The following GNG7 variants were observed in gnomAD, a reference collection of about 807,000 sequenced individuals.
GNG7 encodes the protein G protein subunit gamma 7, also known as guanine nucleotide-binding protein G(I)/G(S)/G(O) subunit gamma-7.
A neutral mutation model predicts 4.0 loss-of-function variants in GNG7; 1 was observed. The ratio of observed to expected loss-of-function variants is 0.25; its 90% CI spans 0.09 to 1.18. The LOEUF is 1.18. GNG7 is among the 50% of genes most tolerant of loss of function. GNG7 has a pLI of 0.50. For synonymous variants in GNG7, 34 were observed against 36.9 expected, an observed-to-expected ratio of 0.92 and a Z score of 0.29; for missense variants, 86 against 91.9, an observed-to-expected ratio of 0.94 and a Z score of 0.26.
chr19:2,678,299 T>C (rs577220592), intron 1 of GNG7, among the ~76,000 whole-genome samples: 1 of 152,108 alleles, frequency 6.6e-6, no homozygotes, highest in Admixed American at 6.5e-5. Context: ...AAGTGAAAGG[T>C]GACTTGTAGA....
chr19:2,588,427 G>C (rs907445630), intron 2 of GNG7, among the ~76,000 whole-genome samples: 1 of 152,214 alleles, frequency 6.6e-6, no homozygotes, highest in Non-Finnish European at 1.5e-5. Flanking sequence ...CTTAACGCAC[G>C]TCATGAGGTT....
At chr19:2,688,896 T>A (rs919218583) in intron 1 of GNG7, among the ~76,000 whole-genome samples, 4 of 151,776 alleles carry the variant, frequency 2.6e-5, no homozygotes, top group African/African-American at 9.7e-5. Context: ...CGAGACCTCA[T>A]CTCTACAATA....
intron 1 of GNG7, among the ~76,000 whole-genome samples, chr19:2,698,456 C>T (rs947106417): frequency 2.0e-5 from 3 of 151,550 alleles, no homozygotes; most frequent in East Asian, 1.9e-4. Context: ...CCCAGCTACT[C>T]GAGAGGATGA....
At chr19:2,574,485 G>A (rs573846088) in intron 2 of GNG7, among the ~76,000 whole-genome samples, 6 of 152,190 alleles carry the variant, frequency 3.9e-5, no homozygotes, top group South Asian at 2.1e-4. Context: ...CACAGGATAC[G>A]TCCTTTTGTG....
Position 2,661,302 on chromosome 19 carries a change from G to GAAAGAAAGAAAGAAAAAGAA in GNG7, c.-134-15023_-134-15022insTTCTTTTTCTTTCTTTCTTT. Among the ~76,000 whole-genome samples, 643 of 73,120 alleles carry GAAAGAAAGAAAGAAAAAGAA rather than the reference G, an allele frequency of 8.8e-3. 38 individuals are homozygous for GAAAGAAAGAAAGAAAAAGAA. The highest frequency in any genetic ancestry group is 0.012 in the Non-Finnish European group (444 of 37,320). 48.0% of individuals were successfully genotyped at this position (73,120 alleles called of 152,430 possible). Reference sequence around the variant, plus strand: ...AGAAAGAAAGAAAGAAAGAAAGAAAGAGAAAGAAAGAAAGAAAGAAAGAAA... The same window carrying GAAAGAAAGAAAGAAAAAGAA: ...AGAAAGAAAGAAAGAAAGAAAGAAAGAAAGAAAGAAAGAAAAAGAAAGAAAGAAAGAAAGAAAGAAAGAAA... On this transcript the variant is annotated intron_variant, in intron 1 of 4. Transcript: ENST00000382159.
At chr19:2,569,277 C>T (rs78826722) in intron 2 of GNG7, among the ~76,000 whole-genome samples, 7 of 133,174 alleles carry the variant, frequency 5.3e-5, no homozygotes, top group Admixed American at 3.1e-4. Context: ...CTCTCTCTCT[C>T]TCTTTCTTTT....
Position 2,514,909 on chromosome 19 carries a change from T to G in GNG7, c.*113A>C. The G allele has an allele frequency of 1.1e-4, 94 of 835,364 alleles. No homozygotes were observed. The highest frequency in any genetic ancestry group is 3.5e-4 in the Middle Eastern group (1 of 2,826). 51.7% of individuals were successfully genotyped at this position (835,364 alleles called of 1,614,324 possible). ...TTTGGAATTAAAGGTTTTGGGGACT[T>G]GAGATGTTTTGTTTGAGCTAATTAC... On this transcript the variant is annotated 3_prime_UTR_variant, in exon 5 of 5. Transcript: ENST00000382159.
chr19:2,686,140 T>C (rs1983864167), intron 1 of GNG7, among the ~76,000 whole-genome samples: 1 of 151,014 alleles, frequency 6.6e-6, no homozygotes, highest in African/African-American at 2.4e-5. Context: ...TTCCCAGCCG[T>C]GTGTGGTCTC....
At chr19:2,538,095 C>CAA (rs763322180) in intron 3 of GNG7, 2 of 454,658 alleles carry the variant, frequency 4.4e-6, no homozygotes, top group Non-Finnish European at 8.8e-6. Flanking sequence ...CAAAACAAAA[C>CAA]AAAACAAAAC....
At chr19:2,581,503 C>T (rs1415064342) in intron 2 of GNG7, among the ~76,000 whole-genome samples, 4 of 152,038 alleles carry the variant, frequency 2.6e-5, no homozygotes, top group African/African-American at 9.7e-5. Flanking sequence ...CCTCCCTGGT[C>T]CCTGGTGTTG....
rs182674760 is a variant in GNG7, at chr19:2,612,047, G to T, written c.-78+34177C>A. Among the ~76,000 whole-genome samples the T allele has an allele frequency of 1.5e-4, 23 of 152,006 alleles. No homozygotes were observed. In the East Asian group the frequency reaches 2.9e-3, roughly 19 times the overall value. ...CCGCCACCACGCCCAGCTAATTTTA[G>T]TATTTTTAGTAGAGACCGGGTTTCA... On this transcript the variant is annotated intron_variant, in intron 2 of 4. Coordinates refer to ENST00000382159, the MANE Select transcript of GNG7 (RefSeq NM_052847.3).
chr19:2,547,076 C>A (rs1000864161), intron 3 of GNG7, among the ~76,000 whole-genome samples: 14 of 144,806 alleles, frequency 9.7e-5, no homozygotes, highest in Admixed American at 4.1e-4. Context: ...CCACGCATGC[C>A]CCCCCCCCAG....
chr19:2,526,401 G>T (rs747283609), intron 3 of GNG7, among the ~76,000 whole-genome samples: 218 of 150,426 alleles, frequency 1.4e-3, no homozygotes, highest in Non-Finnish European at 2.7e-3. Flanking sequence ...CACCGCGCCT[G>T]GTCTACTATT....
chr19:2,657,351 AAAAAAAAAAAATAT>A (rs1428935985), intron 1 of GNG7, among the ~76,000 whole-genome samples: 28 of 21,872 alleles, frequency 1.3e-3, no homozygotes, highest in Non-Finnish European at 2.6e-3. Flanking sequence ...AAAAAAAAAA[AAAAAAAAAAAATAT>A]ATATATATAT....
At chr19:2,548,467 C>T (rs1396211081) in intron 3 of GNG7, among the ~76,000 whole-genome samples, 31 of 111,108 alleles carry the variant, frequency 2.8e-4, no homozygotes, top group Admixed American at 3.6e-4. Context: ...GGCGACAGAG[C>T]GAGGCTCTGT....
chr19:2,683,494 G>C (rs932059773), intron 1 of GNG7: 2 of 152,172 alleles, frequency 1.3e-5, no homozygotes, highest in Non-Finnish European at 2.9e-5. Context: ...TCTTGAGGTA[G>C]GAGCCTCTTC....
chr19:2,578,726 G>A (rs947436654), intron 2 of GNG7, among the ~76,000 whole-genome samples: 1 of 152,198 alleles, frequency 6.6e-6, no homozygotes, highest in South Asian at 2.1e-4. Flanking sequence ...GCTGAGCAGC[G>A]TCTCTGGTCT....
chr19:2,568,662 C>G (rs201040735), intron 2 of GNG7, among the ~76,000 whole-genome samples: 1 of 150,762 alleles, frequency 6.6e-6, no homozygotes, highest in African/African-American at 2.4e-5. Flanking sequence ...CACATATACA[C>G]ATACACATAC....
chr19:2,512,781 A>T lies in GNG7; in HGVS notation c.*2241T>A. On this transcript the variant is annotated 3_prime_UTR_variant, in exon 5 of 5. Transcript: ENST00000382159. This position sits in a 1 kb window ranked among gnomAD's most constrained non-coding sequence, Gnocchi z 4.7. Reference sequence around the variant, plus strand: ...AACGGGGTGGGGTGTGTTTGTTCCCAGTTACCAAGATGGCTTGTTGGAAAG... The same window carrying T: ...AACGGGGTGGGGTGTGTTTGTTCCCTGTTACCAAGATGGCTTGTTGGAAAG... The T allele has an allele frequency of 2.0e-6, 1 of 492,686 alleles. No homozygotes were observed. The highest frequency in any genetic ancestry group is 2.6e-6 in the Non-Finnish European group (1 of 379,708). The allele number at this position is 492,686 out of a possible 1,614,324, so 30.5% of individuals were successfully genotyped here.
Sources: gnomAD v4.1 joint callset for allele counts (sites outside exome capture counted in the v4.1 genomes callset) on GRCh38, gnomAD v4.1.1 for gene constraint, Gnocchi (gnomAD v3.1) non-coding constraint, MANE v1.5 for transcripts, NCBI Gene and HGNC (gene_info 2026-07-23, HGNC 2026-07-21) for gene names.